The following FOXO1 variants were observed in gnomAD, a reference collection of about 807,000 sequenced individuals.
FOXO1 encodes forkhead box O1.
In FOXO1, 6 loss-of-function variants were observed where a neutral mutation model predicts 44.1. That is an observed-to-expected ratio of 0.14 (90% CI 0.07 to 0.27). The LOEUF (loss-of-function observed/expected upper bound fraction) is 0.27. Among genes scored for constraint, FOXO1 ranks in the 10% least tolerant of loss-of-function variants. The pLI is 1.00. For missense variants in FOXO1, 737 were observed against 888.8 expected, an observed-to-expected ratio of 0.83 and a Z score of 2.17; for synonymous variants, 380 against 362.7, an observed-to-expected ratio of 1.05 and a Z score of -0.54.
rs143102902 is a variant in FOXO1 at position 40,600,906 on chromosome 13, T to A, written c.631-40046A>T. ...ATAAATCTTAGATGATTACAACCAA[T>A]CAACAGGGGTCTTTCCTCAAGCAAT... On this transcript the variant is annotated intron_variant, in intron 1 of 2. Coordinates refer to ENST00000379561, the MANE Select transcript of FOXO1 (RefSeq NM_002015.4). Among the ~76,000 whole-genome samples the A allele has an allele frequency of 2.6e-3, 389 of 152,214 alleles. 2 individuals carry two copies. Among genetic ancestry groups the A allele is most frequent in the African/African-American group, 8.3e-3 (344 of 41,516 alleles).
intron 1 of FOXO1, among the ~76,000 whole-genome samples, chr13:40,656,956 G>C (rs9532576): frequency 6.6e-6 from 1 of 151,376 alleles, no homozygotes; most frequent in African/African-American, 2.4e-5. Context: ...TCAGCCTCCC[G>C]AGTAGCTGTG....
intron 1 of FOXO1, among the ~76,000 whole-genome samples, chr13:40,581,082 G>T (rs1448871808): frequency 6.6e-6 from 1 of 152,204 alleles, no homozygotes; most frequent in Non-Finnish European, 1.5e-5. Context: ...GAAATGCTTG[G>T]GCACTTTTCT....
chr13:40,620,158 A>G, intron 1 of FOXO1: 3 of 1,487,014 alleles, frequency 2.0e-6, no homozygotes, highest in Non-Finnish European at 9.4e-7. Flanking sequence ...TATGTCAAGA[A>G]TAACAGTAGA....
chr13:40,609,419 G>C (rs190770125), intron 1 of FOXO1, among the ~76,000 whole-genome samples: 1 of 152,250 alleles, frequency 6.6e-6, no homozygotes, highest in Non-Finnish European at 1.5e-5. Flanking sequence ...CCTAGAATGT[G>C]TATAGAATTA....
rs1007636466 is a variant in FOXO1 at position 40,558,493 on chromosome 13, C to T, written c.*556G>A. The T allele has an allele frequency of 1.3e-4, 25 of 194,788 alleles. No homozygotes were observed. The highest frequency in any genetic ancestry group is 2.4e-4 in the Non-Finnish European group (23 of 96,418). The allele number at this position is 194,788 out of a possible 1,614,324, so 12.1% of individuals were successfully genotyped here. A position where few individuals can be genotyped will look rare whatever the true frequency, so the allele number is the denominator to read the frequency against. Reference sequence around the variant, plus strand: ...GGTTCTCATGTGAATTCTGTGGCAACGTGAACAGGTCCAAGGCTGTTCAAT... The same window carrying T: ...GGTTCTCATGTGAATTCTGTGGCAATGTGAACAGGTCCAAGGCTGTTCAAT... On this transcript the variant is annotated 3_prime_UTR_variant, in exon 3 of 3. Coordinates refer to ENST00000379561, the MANE Select transcript of FOXO1 (RefSeq NM_002015.4).
chr13:40,641,906 A>C (rs949669074), intron 1 of FOXO1, among the ~76,000 whole-genome samples: 2 of 152,132 alleles, frequency 1.3e-5, no homozygotes, highest in African/African-American at 4.8e-5. Flanking sequence ...GGACCACTTG[A>C]ACCTAGGAGG....
At chr13:40,581,152 T>C (rs968118394) in intron 1 of FOXO1, among the ~76,000 whole-genome samples, 5 of 152,196 alleles carry the variant, frequency 3.3e-5, no homozygotes, top group Non-Finnish European at 7.3e-5. Flanking sequence ...AGAGCATCAC[T>C]GAAAATCTGG....
intron 1 of FOXO1, among the ~76,000 whole-genome samples, chr13:40,583,476 T>C (rs895849048): frequency 1.3e-5 from 2 of 152,236 alleles, no homozygotes; most frequent in Non-Finnish European, 2.9e-5. Context: ...TTCATCTACA[T>C]TGAAAATCTG....
rs1873753822 is a variant in FOXO1, at chr13:40,556,456, G to A, written c.*2593C>T. The A allele has an allele frequency of 6.6e-6, 1 of 152,530 alleles. No individual in the cohort carries two copies. The highest frequency in any genetic ancestry group is 6.5e-5 in the Admixed American group (1 of 15,274). The allele number at this position is 152,530 out of a possible 1,614,324, so 9.4% of individuals were successfully genotyped here. ...ATGCTTTTAATAACAGTACAAACCAGAGAAAATAAATCAAACAAGGCTGCA... is the reference window on the plus strand; with the variant it reads ...ATGCTTTTAATAACAGTACAAACCAAAGAAAATAAATCAAACAAGGCTGCA... On this transcript the variant is annotated 3_prime_UTR_variant, in exon 3 of 3. Coordinates refer to ENST00000379561, the MANE Select transcript of FOXO1 (RefSeq NM_002015.4).
intron 1 of FOXO1, among the ~76,000 whole-genome samples, chr13:40,636,650 T>A (rs1406203270): frequency 6.6e-6 from 1 of 151,428 alleles, no homozygotes; most frequent in Non-Finnish European, 1.5e-5. Context: ...GCCTCCCAAG[T>A]AGCTGAGATT....
chr13:40,594,461 T>C (rs1166591437), intron 1 of FOXO1, among the ~76,000 whole-genome samples: 1 of 152,114 alleles, frequency 6.6e-6, no homozygotes, highest in Non-Finnish European at 1.5e-5. Context: ...CAGGAAGTGA[T>C]GGGAAACAGG....
intron 1 of FOXO1, among the ~76,000 whole-genome samples, chr13:40,606,094 G>A (rs1875986909): frequency 6.6e-6 from 1 of 152,068 alleles, no homozygotes; most frequent in African/African-American, 2.4e-5. Context: ...GCAAGATAAA[G>A]CAAATGTAAA....
At chr13:40,641,062 G>GCCT (rs1877334500) in intron 1 of FOXO1, among the ~76,000 whole-genome samples, 1 of 152,180 alleles carries the variant, frequency 6.6e-6, no homozygotes, top group African/African-American at 2.4e-5. Context: ...AGGATTACAG[G>GCCT]CGTGAGCCAT....
intron 1 of FOXO1, among the ~76,000 whole-genome samples, chr13:40,653,720 G>T (rs550644985): frequency 5.9e-5 from 9 of 152,072 alleles, no homozygotes; most frequent in Non-Finnish European, 1.2e-4. Context: ...CTGATGCCAG[G>T]TTCACTTGGC....
At chr13:40,653,319 C>T (rs1877746473) in intron 1 of FOXO1, among the ~76,000 whole-genome samples, 1 of 152,114 alleles carries the variant, frequency 6.6e-6, no homozygotes, top group Non-Finnish European at 1.5e-5. Context: ...TTCACTCTCA[C>T]CCTTGCCACT....
chr13:40,580,284 AAGTTGTAGTTT>A (rs1323830832), intron 1 of FOXO1, among the ~76,000 whole-genome samples: 2 of 152,178 alleles, frequency 1.3e-5, no homozygotes, highest in Non-Finnish European at 2.9e-5. Context: ...ACCAAATAAT[AAGTTGTAGTTT>A]GCAAACTATA....
At chr13:40,585,333 C>CTG (rs1298660258) in intron 1 of FOXO1, among the ~76,000 whole-genome samples, 34 of 123,740 alleles carry the variant, frequency 2.7e-4, no homozygotes, top group African/African-American at 9.3e-4. Context: ...AGTATTTCCT[C>CTG]TGCGCGCGCG....
At chr13:40,594,947 A>G (rs189921142) in intron 1 of FOXO1, among the ~76,000 whole-genome samples, 3 of 152,294 alleles carry the variant, frequency 2.0e-5, no homozygotes, top group African/African-American at 7.2e-5. Flanking sequence ...TTGACCTCCC[A>G]AAGTGCTGAG....
chr13:40,653,335 A>T (rs1217958197), intron 1 of FOXO1, among the ~76,000 whole-genome samples: 1 of 152,184 alleles, frequency 6.6e-6, no homozygotes, highest in Non-Finnish European at 1.5e-5. Flanking sequence ...CCACTGCTGC[A>T]AGATGAAGAC....
Sources: gnomAD v4.1 joint callset for allele counts (sites outside exome capture counted in the v4.1 genomes callset) on GRCh38, gnomAD v4.1.1 for gene constraint, MANE v1.5 for transcripts, NCBI Gene and HGNC (gene_info 2026-07-23, HGNC 2026-07-21) for gene names.